The following AGBL4 variants were observed in gnomAD, a reference collection of about 807,000 sequenced individuals.
AGBL4 encodes cytosolic carboxypeptidase 6.
A neutral mutation model predicts 66.4 loss-of-function variants in AGBL4; 58 were observed. The ratio of observed to expected loss-of-function variants is 0.87; its 90% confidence interval spans 0.71 to 1.09. The LOEUF is 1.09. AGBL4 is among the 50% of genes least tolerant of loss of function. The pLI, the probability that AGBL4 is intolerant of heterozygous loss-of-function variation, is 0.00. For missense variants in AGBL4, 579 were observed against 631.0 expected, an observed-to-expected ratio of 0.92 and a Z score of 0.88; for synonymous variants, 234 against 222.9, an observed-to-expected ratio of 1.05 and a Z score of -0.44.
At chr1:49,678,167 T>C (rs1000089334) in intron 3 of AGBL4, among the ~76,000 whole-genome samples, 2 of 152,212 alleles carry the variant, frequency 1.3e-5, no homozygotes, top group African/African-American at 4.8e-5. Flanking sequence ...AAATTATATA[T>C]TTCATGTTTT....
chr1:48,813,614 C>T (rs143618039), intron 6 of AGBL4, among the ~76,000 whole-genome samples: 2 of 152,312 alleles, frequency 1.3e-5, no homozygotes, highest in East Asian at 3.9e-4. Flanking sequence ...CACCAGGGCT[C>T]TCTGCACTAG....
intron 5 of AGBL4, among the ~76,000 whole-genome samples, chr1:48,958,077 C>T (rs1201090648): frequency 6.6e-6 from 1 of 151,832 alleles, no homozygotes; most frequent in African/African-American, 2.4e-5. Flanking sequence ...CCAGGATGGT[C>T]TCGATCTGCT....
At chr1:49,855,254 A>G (rs1313154147) in intron 1 of AGBL4, among the ~76,000 whole-genome samples, 1 of 152,222 alleles carries the variant, frequency 6.6e-6, no homozygotes, top group African/African-American at 2.4e-5. Flanking sequence ...CAGAACATCC[A>G]GATATATAAA....
At chr1:49,842,468 T>C in intron 2 of AGBL4, 1 of 938,116 alleles carries the variant, frequency 1.1e-6, no homozygotes, top group East Asian at 1.0e-4. Flanking sequence ...TGCTCTCTAA[T>C]TCTTCAGAGC....
At position 48,849,567 on chromosome 1, in the gene AGBL4, C is replaced by T. The variant is rs72890102; in HGVS notation, c.634+17624G>A. On this transcript the variant is annotated intron_variant, in intron 6 of 13. Coordinates refer to ENST00000371839, the MANE Select transcript of AGBL4 (RefSeq NM_032785.4). ...CTAGCTACCTCTCCTTTGCTTCTTA[C>T]CATCTACTCCTCACTCCCACCTTCA... Among the ~76,000 whole-genome samples, 716 of 152,336 alleles carry T rather than the reference C, an allele frequency of 4.7e-3. 6 individuals are homozygous for T. Among genetic ancestry groups the T allele is most frequent in the African/African-American group, 0.014 (598 of 41,580 alleles).
At chr1:49,876,098 G>A (rs1252001589) in intron 1 of AGBL4, among the ~76,000 whole-genome samples, 1 of 149,536 alleles carries the variant, frequency 6.7e-6, no homozygotes, top group Non-Finnish European at 1.5e-5. Context: ...TTTCTCCCAT[G>A]TTGTAGGTTG....
chr1:49,906,116 CTGTGTG>C lies in AGBL4; in HGVS notation c.35-54604_35-54599del, dbSNP rs59711282. Among the ~76,000 whole-genome samples the C allele has an allele frequency of 3.5e-3, 510 of 146,976 alleles. 2 individuals are homozygous for C. The highest frequency in any genetic ancestry group is 5.6e-3 in the Admixed American group (82 of 14,638). On this transcript the variant is annotated intron_variant, in intron 1 of 13. Transcript: ENST00000371839. ...TTTTAAGATAAAGAGAAACAGGACT[CTGTGTG>C]TGTGTGTGTGTGTGTGTGTGTGTGT...
intron 4 of AGBL4, among the ~76,000 whole-genome samples, chr1:49,089,945 T>C (rs1304322545): frequency 6.6e-6 from 1 of 152,114 alleles, no homozygotes; most frequent in East Asian, 1.9e-4. Context: ...TGGTTCAACA[T>C]TGCAAATCAA....
At chr1:49,399,198 T>A (rs934371061) in intron 3 of AGBL4, among the ~76,000 whole-genome samples, 1 of 152,178 alleles carries the variant, frequency 6.6e-6, no homozygotes. Context: ...TATGGCTGAA[T>A]AGTACTCCAT....
rs540377860 is a variant in AGBL4, at chr1:49,310,254, A to G, written c.283-64390T>C. On this transcript the variant is annotated intron_variant, in intron 3 of 13. Coordinates refer to ENST00000371839, the MANE Select transcript of AGBL4 (RefSeq NM_032785.4). ...AAGATCTTTTGATTCTGAGGGAAGT[A>G]GGAAGTCACTGGAGAGTTTTGAACA... is the stretch of plus-strand genomic sequence containing the variant. Among the ~76,000 whole-genome samples, 6 of 152,238 alleles carry G rather than the reference A, an allele frequency of 3.9e-5. No individual in the cohort carries two copies. In the South Asian group the frequency reaches 1.2e-3, roughly 32 times the overall value.
At chr1:48,590,140 C>G (rs888759384) in intron 10 of AGBL4, among the ~76,000 whole-genome samples, 1 of 152,266 alleles carries the variant, frequency 6.6e-6, no homozygotes, top group East Asian at 1.9e-4. Flanking sequence ...CGCGGTGGCT[C>G]ACGCCTGTAA....
intron 6 of AGBL4, among the ~76,000 whole-genome samples, chr1:48,696,945 T>C (rs1325406585): frequency 2.0e-5 from 3 of 152,158 alleles, no homozygotes; most frequent in Non-Finnish European, 2.9e-5. Context: ...TTTGCACTGG[T>C]GGGTGTCCCT....
At chr1:48,842,508 T>C (rs976179654) in intron 6 of AGBL4, among the ~76,000 whole-genome samples, 1 of 152,172 alleles carries the variant, frequency 6.6e-6, no homozygotes, top group African/African-American at 2.4e-5. Context: ...CTATGAGCAG[T>C]CACAAATCTG....
At chr1:49,917,550 T>C (rs1465026443) in intron 1 of AGBL4, among the ~76,000 whole-genome samples, 8 of 152,180 alleles carry the variant, frequency 5.3e-5, no homozygotes. Flanking sequence ...TAAATATATA[T>C]GTGCCCATTA....
rs995324819 is a variant in AGBL4, at chr1:50,014,310, G to A, written c.34+9453C>T. 2.0e-5 allele frequency among the ~76,000 whole-genome samples: 3 copies of A among 151,764 alleles called. 1 individual carries two copies. The East Asian group carries it at 5.8e-4, about 30-fold the overall frequency. On this transcript the variant is annotated intron_variant, in intron 1 of 13. Coordinates refer to ENST00000371839, the MANE Select transcript of AGBL4 (RefSeq NM_032785.4). ...CACTTGAACCCAGGAGGTGGAGGCT[G>A]CAGTGAGCCAAGATCACACTACTGC...
Position 49,232,978 on chromosome 1 carries a change from A to C in AGBL4, c.377+12792T>G, listed in dbSNP as rs529697705. ...TTGTTTAAAAGATTTTAATTACTTCATCTTAGGATGCTCCAAATATATTTA... is the reference window on the plus strand; with the variant it reads ...TTGTTTAAAAGATTTTAATTACTTCCTCTTAGGATGCTCCAAATATATTTA... On this transcript the variant is annotated intron_variant, in intron 4 of 13. Transcript: ENST00000371839. 2.5e-4 allele frequency among the ~76,000 whole-genome samples: 38 copies of C among 152,310 alleles called. No individual in the cohort carries two copies. The South Asian group carries it at 7.7e-3, about 31-fold the overall frequency.
Position 49,564,799 on chromosome 1 carries a change from G to T in AGBL4, c.282+132514C>A, listed in dbSNP as rs1644150015. ...GTATATTCTGTTGATTTGGGGTGGA[G>T]AGTTCTGTAGATGTCTATTAGGTCC... On this transcript the variant is annotated intron_variant, in intron 3 of 13. Coordinates refer to ENST00000371839, the MANE Select transcript of AGBL4 (RefSeq NM_032785.4). Among the ~76,000 whole-genome samples the T allele has an allele frequency of 2.0e-5, 3 of 152,212 alleles. No individual in the cohort carries two copies. In the East Asian group the frequency reaches 5.8e-4, roughly 29 times the overall value.
At chr1:49,662,926 G>C (rs1297306345) in intron 3 of AGBL4, among the ~76,000 whole-genome samples, 1 of 152,106 alleles carries the variant, frequency 6.6e-6, no homozygotes, top group Admixed American at 6.6e-5. Flanking sequence ...CTGTGTAGAA[G>C]CTTCTACATA....
At chr1:48,968,250 C>T (rs1658613802) in intron 5 of AGBL4, among the ~76,000 whole-genome samples, 1 of 152,052 alleles carries the variant, frequency 6.6e-6, no homozygotes, top group African/African-American at 2.4e-5. Flanking sequence ...AGGCAATAAA[C>T]AAAGAGAGCA....
Sources: gnomAD v4.1 joint callset for allele counts (sites outside exome capture counted in the v4.1 genomes callset) on GRCh38, gnomAD v4.1.1 for gene constraint, MANE v1.5 for transcripts, NCBI Gene and HGNC (gene_info 2026-07-23, HGNC 2026-07-21) for gene names.